Variants in HS3ST3A1 observed in about 807,000 individuals in gnomAD.
HS3ST3A1 encodes the protein heparan sulfate glucosamine 3-O-sulfotransferase 3A1.
HS3ST3A1 carries 19 observed loss-of-function variants against 25.7 expected under a neutral mutation model. The ratio of observed to expected loss-of-function variants is 0.74; its 90% CI spans 0.52 to 1.08. HS3ST3A1 has a LOEUF of 1.08. Among genes scored for constraint, HS3ST3A1 ranks in the 50% least tolerant of loss-of-function variants. The probability of loss-of-function intolerance (pLI) is 0.00; values close to 1 mark genes in which losing one functional copy is unlikely to be tolerated. For missense variants in HS3ST3A1, 459 were observed against 594.3 expected (o/e 0.77, Z 2.37); for synonymous variants, 226 against 278.6 (o/e 0.81, Z 1.88).
intron 1 of HS3ST3A1, among the ~76,000 whole-genome samples, chr17:13,511,032 G>T (rs895639357): frequency 6.6e-6 from 1 of 152,146 alleles, no homozygotes; most frequent in African/African-American, 2.4e-5. Context: ...AAGCCATCCC[G>T]GAGTTGGCAT....
rs78963367 is a variant in HS3ST3A1 at position 13,586,544 on chromosome 17, A to G, written c.599+13987T>C. On this transcript the variant is annotated intron_variant, in intron 1 of 1. Coordinates refer to ENST00000284110, the MANE Select transcript of HS3ST3A1 (RefSeq NM_006042.3). ...GAGCTCTTGAACTGTAGTTAACCCA[A>G]ACTGAAATCTGCTGCAAGTGTAAAA... Among the ~76,000 whole-genome samples the G allele has an allele frequency of 4.3e-3, 654 of 152,074 alleles. 13 individuals are homozygous for G. Among genetic ancestry groups the G allele is most frequent in the East Asian group, 0.041 (210 of 5,154 alleles).
chr17:13,538,425 C>T (rs938867266), intron 1 of HS3ST3A1, among the ~76,000 whole-genome samples: 5 of 152,148 alleles, frequency 3.3e-5, no homozygotes, highest in East Asian at 3.9e-4. Flanking sequence ...AAATTCATTC[C>T]GCTTACCCCG....
chr17:13,564,831 C>CT (rs1190287336), intron 1 of HS3ST3A1, among the ~76,000 whole-genome samples: 1 of 147,958 alleles, frequency 6.8e-6, no homozygotes, highest in Non-Finnish European at 1.5e-5. Context: ...TCAAATGATT[C>CT]TTATGCCTCA....
At chr17:13,526,734 G>A (rs1906443468) in intron 1 of HS3ST3A1, among the ~76,000 whole-genome samples, 3 of 151,374 alleles carry the variant, frequency 2.0e-5, no homozygotes, top group East Asian at 1.9e-4. Context: ...AGCAACCTCC[G>A]CCTCCCAGGT....
At chr17:13,547,476 T>A (rs1907121291) in intron 1 of HS3ST3A1, among the ~76,000 whole-genome samples, 1 of 152,132 alleles carries the variant, frequency 6.6e-6, no homozygotes, top group South Asian at 2.1e-4. Flanking sequence ...ATTTAGTTCA[T>A]CATGTCTATG....
In HS3ST3A1 at chr17:13,578,500, T is replaced by G. The variant is rs1329364458; in HGVS notation, c.599+22031A>C. Among the ~76,000 whole-genome samples the G allele has an allele frequency of 8.8e-5, 13 of 148,432 alleles. No homozygotes were observed. The Admixed American group carries it at 8.8e-4, about 10-fold the overall frequency. On this transcript the variant is annotated intron_variant, in intron 1 of 1. Transcript: ENST00000284110. ...ATCACTTGAACCCAGGAGGCAGAGGTTGCAGTGAGCCAAGATCGTGCCACT... is the reference window on the plus strand; with the variant it reads ...ATCACTTGAACCCAGGAGGCAGAGGGTGCAGTGAGCCAAGATCGTGCCACT...
intron 1 of HS3ST3A1, among the ~76,000 whole-genome samples, chr17:13,505,050 A>C (rs1905614430): frequency 6.6e-6 from 1 of 152,220 alleles, no homozygotes; most frequent in African/African-American, 2.4e-5. Flanking sequence ...TACATTCCCT[A>C]ATTTTTCTGA....
intron 1 of HS3ST3A1, among the ~76,000 whole-genome samples, chr17:13,551,832 G>T (rs2142357070): frequency 6.6e-6 from 1 of 152,180 alleles, no homozygotes; most frequent in South Asian, 2.1e-4. Context: ...TTTCCTTGTG[G>T]CATTTCCTCT....
intron 1 of HS3ST3A1, among the ~76,000 whole-genome samples, chr17:13,510,864 C>T (rs1905838831): frequency 1.3e-5 from 2 of 152,136 alleles, no homozygotes; most frequent in Admixed American, 1.3e-4. Context: ...ACCACCATGT[C>T]CTTGATTTTG....
intron 1 of HS3ST3A1, among the ~76,000 whole-genome samples, chr17:13,544,296 A>G (rs893990026): frequency 6.6e-6 from 1 of 152,186 alleles, no homozygotes; most frequent in Non-Finnish European, 1.5e-5. Context: ...GAGCAACAAA[A>G]AGCCTTAGTG....
intron 1 of HS3ST3A1, among the ~76,000 whole-genome samples, chr17:13,540,223 T>G (rs111647119): frequency 6.6e-6 from 1 of 152,248 alleles, no homozygotes; most frequent in African/African-American, 2.4e-5. Context: ...TCTATAATGT[T>G]CTAGTGTTAT....
chr17:13,515,231 C>T (rs113561877), intron 1 of HS3ST3A1, among the ~76,000 whole-genome samples: 3 of 152,212 alleles, frequency 2.0e-5, no homozygotes, highest in Admixed American at 2.0e-4. Flanking sequence ...ACTATCTTGG[C>T]TCACTGCAAC....
chr17:13,569,291 C>T (rs1903548141), intron 1 of HS3ST3A1, among the ~76,000 whole-genome samples: 1 of 152,164 alleles, frequency 6.6e-6, no homozygotes, highest in Admixed American at 6.5e-5. Context: ...GTAGCTGTTA[C>T]ATTTTATGCA....
chr17:13,521,554 A>C (rs1906240297), intron 1 of HS3ST3A1, among the ~76,000 whole-genome samples: 2 of 152,170 alleles, frequency 1.3e-5, no homozygotes, highest in Non-Finnish European at 2.9e-5. Flanking sequence ...GCTTTCATGG[A>C]CACTTAGAGA....
chr17:13,581,599 T>C (rs1324113771), intron 1 of HS3ST3A1, among the ~76,000 whole-genome samples: 2 of 151,626 alleles, frequency 1.3e-5, no homozygotes, highest in African/African-American at 4.9e-5. Context: ...ACAGAATAAA[T>C]AGATGTGAAT....
chr17:13,499,270 G>T (rs2142290161), intron 1 of HS3ST3A1, among the ~76,000 whole-genome samples: 1 of 152,276 alleles, frequency 6.6e-6, no homozygotes, highest in Non-Finnish European at 1.5e-5. Context: ...GAACTGAAAA[G>T]TTGGCTAGGC....
chr17:13,517,231 G>A (rs773625762), intron 1 of HS3ST3A1, among the ~76,000 whole-genome samples: 5 of 152,114 alleles, frequency 3.3e-5, no homozygotes, highest in Non-Finnish European at 7.3e-5. Flanking sequence ...GTGAATGAAC[G>A]TTATTAATAA....
intron 1 of HS3ST3A1, among the ~76,000 whole-genome samples, chr17:13,515,169 A>G (rs896166111): frequency 6.6e-6 from 1 of 152,158 alleles, no homozygotes; most frequent in Non-Finnish European, 1.5e-5. Flanking sequence ...TTGCAATAAC[A>G]TATATTTTCT....
intron 1 of HS3ST3A1, among the ~76,000 whole-genome samples, chr17:13,506,828 G>A (rs558165567): frequency 3.3e-5 from 5 of 151,944 alleles, no homozygotes; most frequent in South Asian, 2.1e-4. Context: ...AGGCCGAGGC[G>A]GGTGGATCGC....
Sources: allele counts gnomAD v4.1 joint callset (sites outside exome capture counted in the v4.1 genomes callset), GRCh38; gene constraint gnomAD v4.1.1; transcripts MANE v1.5; gene names NCBI Gene and HGNC (gene_info 2026-07-23, HGNC 2026-07-21).